Variants in PLCL1 observed in about 807,000 individuals in gnomAD.
The protein encoded by PLCL1 is phospholipase C like 1 (inactive), also known as inactive phospholipase C-like protein 1.
In PLCL1, 41 loss-of-function variants were observed where a neutral mutation model predicts 84.4. The observed-to-expected ratio is 0.49, with a 90% CI of 0.38 to 0.63. PLCL1 has a LOEUF of 0.63. Among genes scored for constraint, PLCL1 ranks in the 30% least tolerant of loss-of-function variants. The pLI, the probability that PLCL1 is intolerant of heterozygous loss-of-function variation, is 0.00. For synonymous variants in PLCL1, 490 were observed against 488.3 expected (o/e 1.00, Z -0.05); for missense variants, 1,206 against 1,367.8 (o/e 0.88, Z 1.87).
In PLCL1 at chr2:197,845,529, G is replaced by A. The variant is rs79569088; in HGVS notation, c.240+40190G>A. On this transcript the variant is annotated intron_variant, in intron 1 of 5. Coordinates refer to ENST00000428675, the MANE Select transcript of PLCL1 (RefSeq NM_006226.4). ...CTGGTGTGGAGGGAGAGGGAATGAG[G>A]ACGTGGTCAGCCTTTTCTTGGGAAT... 4.8e-3 allele frequency among the ~76,000 whole-genome samples: 723 copies of A among 152,208 alleles called. 6 individuals are homozygous for A. Among genetic ancestry groups the A allele is most frequent in the African/African-American group, 0.016 (674 of 41,546 alleles).
chr2:197,901,822 A>G (rs1425235364), intron 1 of PLCL1, among the ~76,000 whole-genome samples: 1 of 152,122 alleles, frequency 6.6e-6, no homozygotes, highest in East Asian at 1.9e-4. Context: ...ATGTCTTGAG[A>G]GGTTAGGTGC....
chr2:198,045,516 T>A lies in PLCL1; in HGVS notation c.241-38242T>A, dbSNP rs374736452. On this transcript the variant is annotated intron_variant, in intron 1 of 5. Transcript: ENST00000428675. ...ACTATTATCTTAACTGTGGAAATATTTGATGAGTCAGTTCATCTTGTTTTA... is the reference window on the plus strand; with the variant it reads ...ACTATTATCTTAACTGTGGAAATATATGATGAGTCAGTTCATCTTGTTTTA... 2.0e-5 allele frequency among the ~76,000 whole-genome samples: 3 copies of A among 152,358 alleles called. No homozygotes were observed. The East Asian group carries it at 5.8e-4, about 29-fold the overall frequency.
chr2:198,028,440 C>G (rs78272637), intron 1 of PLCL1, among the ~76,000 whole-genome samples: 1 of 152,026 alleles, frequency 6.6e-6, no homozygotes. Flanking sequence ...GATGGTGATG[C>G]CTTTGCTCAG....
intron 1 of PLCL1, among the ~76,000 whole-genome samples, chr2:198,021,798 C>A (rs747608981): frequency 2.6e-5 from 4 of 152,148 alleles, no homozygotes; most frequent in South Asian, 2.1e-4. Context: ...AGATTCACAG[C>A]CGAATTCTAT....
At chr2:197,913,925 C>G (rs1688539712) in intron 1 of PLCL1, among the ~76,000 whole-genome samples, 2 of 152,020 alleles carry the variant, frequency 1.3e-5, no homozygotes, top group East Asian at 3.8e-4. Flanking sequence ...CTCGAATATA[C>G]ATTAATTTTG....
chr2:197,909,549 C>T (rs1688444905), intron 1 of PLCL1, among the ~76,000 whole-genome samples: 1 of 152,112 alleles, frequency 6.6e-6, no homozygotes, highest in Admixed American at 6.6e-5. Context: ...TGGGAAGCCC[C>T]ACAGGCTGAC....
intron 1 of PLCL1, among the ~76,000 whole-genome samples, chr2:197,918,971 T>TCTCTCTCTCACACACA (rs373512508): frequency 6.9e-6 from 1 of 144,552 alleles, no homozygotes; most frequent in African/African-American, 2.5e-5. Context: ...TCTCTCTCCC[T>TCTCTCTCTCACACACA]CACACACACA....
At position 198,047,001 on chromosome 2, in the gene PLCL1, G is replaced by C. The variant is rs373745369; in HGVS notation, c.241-36757G>C. Among the ~76,000 whole-genome samples, 49 of 152,156 alleles carry C rather than the reference G, an allele frequency of 3.2e-4. 1 individual carries two copies. Among genetic ancestry groups the C allele is most frequent in the African/African-American group, 1.1e-3 (45 of 41,518 alleles). On this transcript the variant is annotated intron_variant, in intron 1 of 5. Coordinates refer to ENST00000428675, the MANE Select transcript of PLCL1 (RefSeq NM_006226.4). Reference sequence around the variant, plus strand: ...TAGTAGGATATGTTTTGATGTTTTCGTCTAGAAATGGGAACATCAACTTAG... The same window carrying C: ...TAGTAGGATATGTTTTGATGTTTTCCTCTAGAAATGGGAACATCAACTTAG...
chr2:198,083,937 C>T lies in PLCL1; in HGVS notation c.420C>T (p.Asp140=). 1 of 1,614,124 alleles carries T rather than the reference C, an allele frequency of 6.2e-7. No individual in the cohort carries two copies. The highest frequency in any genetic ancestry group is 8.5e-7 in the Non-Finnish European group (1 of 1,179,992). Residue 140 remains aspartate (D), a synonymous_variant, in exon 2 of 6, where the codon GAC becomes GAT. Coordinates refer to ENST00000428675, the MANE Select transcript of PLCL1 (RefSeq NM_006226.4). The part of the protein sequence containing the change: ...IYNRFFTLDT[D]LQALRWEPSK... The stretch of plus-strand genomic sequence containing the variant: ...ACCGTTTTTTCACTCTGGACACAGA[C>T]CTTCAAGCTCTTCGCTGGGAACCTT...
chr2:198,067,147 A>G (rs917518297), intron 1 of PLCL1, among the ~76,000 whole-genome samples: 17 of 133,048 alleles, frequency 1.3e-4, no homozygotes, highest in African/African-American at 5.0e-4. Flanking sequence ...TTTTTTTTAG[A>G]GACGGAGTTT....
intron 1 of PLCL1, among the ~76,000 whole-genome samples, chr2:197,923,791 G>C (rs1183112145): frequency 6.6e-6 from 1 of 152,160 alleles, no homozygotes. Flanking sequence ...TGGCACCCTG[G>C]GAGGCCAAGG....
intron 1 of PLCL1, among the ~76,000 whole-genome samples, chr2:198,017,751 G>A (rs750209190): frequency 3.3e-5 from 5 of 152,230 alleles, no homozygotes; most frequent in Admixed American, 6.5e-5. Flanking sequence ...ACTTTATTCC[G>A]CAAAATTTTA....
chr2:197,978,749 T>G (rs892827313), intron 1 of PLCL1, among the ~76,000 whole-genome samples: 1 of 152,196 alleles, frequency 6.6e-6, no homozygotes, highest in Non-Finnish European at 1.5e-5. Context: ...GAACCAACCC[T>G]GGCCAGGAGC....
At chr2:198,108,699 T>C (rs1693547638) in intron 5 of PLCL1, among the ~76,000 whole-genome samples, 1 of 151,958 alleles carries the variant, frequency 6.6e-6, no homozygotes, top group Non-Finnish European at 1.5e-5. Flanking sequence ...GACCAGGACT[T>C]AGTATTTAGC....
chr2:197,862,047 C>T (rs1332334586), intron 1 of PLCL1, among the ~76,000 whole-genome samples: 1 of 152,124 alleles, frequency 6.6e-6, no homozygotes, highest in African/African-American at 2.4e-5. Context: ...CTAGCATTTT[C>T]CCCTTTAAGT....
chr2:197,966,845 ATTT>A (rs34706360), intron 1 of PLCL1, among the ~76,000 whole-genome samples: 260 of 100,234 alleles, frequency 2.6e-3, no homozygotes, highest in Middle Eastern at 0.012. Flanking sequence ...ATCCATACTA[ATTT>A]TTTTTTTTTT....
intron 1 of PLCL1, among the ~76,000 whole-genome samples, chr2:197,847,115 G>A (rs575261064): frequency 6.6e-6 from 1 of 152,204 alleles, no homozygotes; most frequent in Admixed American, 6.5e-5. Context: ...TGGTCAGAAA[G>A]CACTTGACGG....
chr2:198,003,050 C>T (rs1690643219), intron 1 of PLCL1, among the ~76,000 whole-genome samples: 1 of 151,962 alleles, frequency 6.6e-6, no homozygotes, highest in East Asian at 1.9e-4. Flanking sequence ...GATGGATGTA[C>T]TGTCCGCCCT....
intron 1 of PLCL1, among the ~76,000 whole-genome samples, chr2:197,822,504 ACC>A: frequency 6.6e-6 from 1 of 152,114 alleles, no homozygotes; most frequent in African/African-American, 2.4e-5. Flanking sequence ...ATAATAAATA[ACC>A]CCTGACATTT....
Sources: gnomAD v4.1 joint callset for allele counts (sites outside exome capture counted in the v4.1 genomes callset) on GRCh38, gnomAD v4.1.1 for gene constraint, MANE v1.5 for transcripts, NCBI Gene and HGNC (gene_info 2026-07-23, HGNC 2026-07-21) for gene names.